The following COL8A1 variants were observed in gnomAD, a reference collection of about 807,000 sequenced individuals.
COL8A1 encodes collagen type VIII alpha 1 chain.
COL8A1 carries 21 observed loss-of-function variants against 42.7 expected under a neutral mutation model. The observed-to-expected ratio is 0.49, with a 90% confidence interval of 0.35 to 0.71. COL8A1 has a LOEUF of 0.71. COL8A1 is among the 30% of genes least tolerant of loss of function. The pLI, the probability that COL8A1 is intolerant of heterozygous loss-of-function variation, is 0.01. For missense variants in COL8A1, 788 were observed against 962.4 expected (o/e 0.82, Z 2.40); for synonymous variants, 367 against 369.1 (o/e 0.99, Z 0.06).
At chr3:99,760,698 G>A (rs796767911) in intron 2 of COL8A1, among the ~76,000 whole-genome samples, 98 of 152,292 alleles carry the variant, frequency 6.4e-4, no homozygotes, top group African/African-American at 2.3e-3. Flanking sequence ...ACATTCATGT[G>A]TAGACCTGAG....
At chr3:99,723,839 TCA>T (rs759171995) in intron 1 of COL8A1, among the ~76,000 whole-genome samples, 1 of 152,114 alleles carries the variant, frequency 6.6e-6, no homozygotes, top group African/African-American at 2.4e-5. Flanking sequence ...TTCCTTACCT[TCA>T]CAGAGTCCAC....
intron 2 of COL8A1, among the ~76,000 whole-genome samples, chr3:99,778,460 C>T (rs774506859): frequency 5.3e-5 from 8 of 152,242 alleles, no homozygotes; most frequent in Middle Eastern, 3.4e-3. Flanking sequence ...AATGCCTCTA[C>T]GATCTTGTCA....
At chr3:99,733,439 A>G (rs1576453876) in intron 1 of COL8A1, among the ~76,000 whole-genome samples, 1 of 140,768 alleles carries the variant, frequency 7.1e-6, no homozygotes, top group Non-Finnish European at 1.6e-5. Context: ...GAGAATGATG[A>G]TTTCCAATTT....
intron 1 of COL8A1, among the ~76,000 whole-genome samples, chr3:99,646,434 T>C (rs117942269): frequency 1.3e-5 from 2 of 152,204 alleles, no homozygotes; most frequent in African/African-American, 4.8e-5. Context: ...GTGTCACTGA[T>C]CGTCTCTGTG....
intron 1 of COL8A1, among the ~76,000 whole-genome samples, chr3:99,643,091 G>A (rs1937538896): frequency 6.6e-6 from 1 of 152,118 alleles, no homozygotes; most frequent in South Asian, 2.1e-4. Context: ...TCTTTCCCCA[G>A]GCCACCCAGA....
At chr3:99,715,774 C>T (rs1939978270) in intron 1 of COL8A1, among the ~76,000 whole-genome samples, 2 of 151,920 alleles carry the variant, frequency 1.3e-5, no homozygotes, top group African/African-American at 4.8e-5. Flanking sequence ...CAGTCCTCCC[C>T]TCGAAATGAA....
At chr3:99,698,205 C>T (rs1425645503) in intron 1 of COL8A1, among the ~76,000 whole-genome samples, 1 of 152,204 alleles carries the variant, frequency 6.6e-6, no homozygotes, top group Non-Finnish European at 1.5e-5. Flanking sequence ...TTTTCTTAAT[C>T]CGGTCTATCA....
At chr3:99,694,941 C>T (rs1328144373) in intron 1 of COL8A1, among the ~76,000 whole-genome samples, 1 of 152,130 alleles carries the variant, frequency 6.6e-6, no homozygotes, top group East Asian at 1.9e-4. Flanking sequence ...TTATAAAAGA[C>T]AGATGTTAGG....
rs191065800 is a variant in COL8A1 at position 99,721,360 on chromosome 3, C to T, written c.-128-23537C>T. On this transcript the variant is annotated intron_variant, in intron 1 of 3. Transcript: ENST00000652472. ...TTTGCACTCAGTGGCACAGAAGCCA[C>T]AATTTAGACAAAAAAAAAAAAAAAG... is the stretch of plus-strand genomic sequence containing the variant. Among the ~76,000 whole-genome samples, 34 of 52,462 alleles carry T rather than the reference C, an allele frequency of 6.5e-4. No individual in the cohort carries two copies. The Middle Eastern group carries it at 0.045, about 70-fold the overall frequency. 34.4% of individuals were successfully genotyped at this position (52,462 alleles called of 152,430 possible).
intron 1 of COL8A1, among the ~76,000 whole-genome samples, chr3:99,675,255 A>T (rs969578256): frequency 6.6e-6 from 1 of 151,984 alleles, no homozygotes; most frequent in South Asian, 2.1e-4. Flanking sequence ...TCCCTCAGAG[A>T]TCTCTTTCAA....
rs1942085968 is a variant in COL8A1, at chr3:99,795,487, T to A, written c.1586T>A (p.Phe529Tyr). Residue 529 changes from phenylalanine (F) to tyrosine (Y), a missense_variant, in exon 4 of 4, where the codon TTC becomes TAC. Coordinates refer to ENST00000652472, the MANE Select transcript of COL8A1 (RefSeq NM_020351.4). ...CCGGGCCTCCCAGGGCCCCCTGGGT[T>A]CCCTGGTATAGGGAAACCCGGAGTG... ...GEPGLPGPPG[F>Y]PGIGKPGVAG... 1 of 1,559,406 alleles carries A rather than the reference T, an allele frequency of 6.4e-7. No homozygotes were observed. Among genetic ancestry groups the A allele is most frequent in the African/African-American group, 1.4e-5 (1 of 72,950 alleles).
chr3:99,727,670 C>T (rs1010484542), intron 1 of COL8A1, among the ~76,000 whole-genome samples: 2 of 151,980 alleles, frequency 1.3e-5, no homozygotes, highest in African/African-American at 4.8e-5. Context: ...ATACCAAAGC[C>T]TGGCAGAGAC....
At chr3:99,679,899 C>T (rs1938816424) in intron 1 of COL8A1, 1 of 152,162 alleles carries the variant, frequency 6.6e-6, no homozygotes, top group South Asian at 2.1e-4. Context: ...ACCACAAAAA[C>T]TTCCATTCCT....
intron 1 of COL8A1, among the ~76,000 whole-genome samples, chr3:99,717,053 T>C (rs796924341): frequency 2.6e-5 from 4 of 152,126 alleles, no homozygotes; most frequent in African/African-American, 9.6e-5. Context: ...ATGCTTCCTA[T>C]CAAAAAGTGC....
intron 1 of COL8A1, among the ~76,000 whole-genome samples, chr3:99,651,881 C>A (rs927479856): frequency 2.8e-4 from 43 of 152,166 alleles, no homozygotes; most frequent in African/African-American, 9.4e-4. Flanking sequence ...ACTGGAAAAA[C>A]CTTCAATGAA....
rs73152057 is a variant in COL8A1, at chr3:99,763,567, G to T, written c.-4+18546G>T. Among the ~76,000 whole-genome samples the T allele has an allele frequency of 2.8e-3, 431 of 152,016 alleles. 2 individuals carry two copies. The highest frequency in any genetic ancestry group is 4.5e-3 in the Non-Finnish European group (303 of 67,996). On this transcript the variant is annotated intron_variant, in intron 2 of 3. Coordinates refer to ENST00000652472, the MANE Select transcript of COL8A1 (RefSeq NM_020351.4). ...TCTGCATTAAAGTCCTATGAGGTCG[G>T]TATTATTATTATTATCCTCATTTTC...
At chr3:99,651,176 GA>G (rs1937834360) in intron 1 of COL8A1, among the ~76,000 whole-genome samples, 5 of 152,114 alleles carry the variant, frequency 3.3e-5, no homozygotes, top group Admixed American at 3.3e-4. Flanking sequence ...GATGAGGAAT[GA>G]AAAAGTTCCA....
chr3:99,704,451 G>A (rs1383346979), intron 1 of COL8A1, among the ~76,000 whole-genome samples: 1 of 151,662 alleles, frequency 6.6e-6, no homozygotes, highest in Non-Finnish European at 1.5e-5. Context: ...TAGGGTACAT[G>A]TGCACAACAT....
chr3:99,684,413 T>C (rs2107326478), intron 1 of COL8A1, among the ~76,000 whole-genome samples: 1 of 152,298 alleles, frequency 6.6e-6, no homozygotes, highest in African/African-American at 2.4e-5. Context: ...TCTCTCTGCC[T>C]GCCTTCCTAA....
Sources: gnomAD v4.1 joint callset for allele counts (sites outside exome capture counted in the v4.1 genomes callset) on GRCh38, gnomAD v4.1.1 for gene constraint, MANE v1.5 for transcripts, NCBI Gene and HGNC (gene_info 2026-07-23, HGNC 2026-07-21) for gene names.